EXT1: variants seen among roughly 807,000 people sequenced by gnomAD.
EXT1 encodes the protein exostosin-1.
In EXT1, 20 loss-of-function variants were observed where a neutral mutation model predicts 82.5. The ratio of observed to expected loss-of-function variants is 0.24; its 90% CI spans 0.17 to 0.35. The LOEUF is 0.35. EXT1 is among the 10% of genes least tolerant of loss of function. EXT1 has a pLI of 1.00. For synonymous variants in EXT1, 348 were observed against 350.8 expected (o/e 0.99, Z 0.09); for missense variants, 757 against 936.5 (o/e 0.81, Z 2.50).
At chr8:117,818,247 C>G (rs1811860566) in intron 7 of EXT1, among the ~76,000 whole-genome samples, 188 bp downstream of exon 7, 1 of 152,174 alleles carries the variant, frequency 6.6e-6, no homozygotes, top group Admixed American at 6.5e-5. Context: ...GAGTTGGTAT[C>G]AAGACCCAGA....
At chr8:117,927,586 T>C (rs1181224755) in intron 1 of EXT1, among the ~76,000 whole-genome samples, 1 of 103,284 alleles carries the variant, frequency 9.7e-6, no homozygotes, top group East Asian at 2.6e-4. Flanking sequence ...GGCACAGGGG[T>C]ACTGTCACTT....
chr8:118,086,962 T>C (rs1389130540), intron 1 of EXT1, among the ~76,000 whole-genome samples: 1 of 152,198 alleles, frequency 6.6e-6, no homozygotes, highest in Non-Finnish European at 1.5e-5. Context: ...CCTACAAGAC[T>C]CTGCAACATC....
At chr8:118,105,237 C>A (rs939729719) in intron 1 of EXT1, among the ~76,000 whole-genome samples, 5 of 152,182 alleles carry the variant, frequency 3.3e-5, no homozygotes, top group African/African-American at 1.2e-4. Context: ...GATCCTCAAG[C>A]CTTCTGACAG....
rs573467408 is a variant in EXT1, at chr8:118,038,383, G to A, written c.962+71702C>T. Among the ~76,000 whole-genome samples, 22 of 152,280 alleles carry A rather than the reference G, an allele frequency of 1.4e-4. No individual in the cohort carries two copies. The South Asian group carries it at 3.7e-3, about 26-fold the overall frequency. On this transcript the variant is annotated intron_variant, in intron 1 of 10. Transcript: ENST00000378204. ...GGATATTTGCCTATTTGTGGAGCACGTCTTCTGTCCCAGTGACTGTGCAGA... is the reference window on the plus strand; with the variant it reads ...GGATATTTGCCTATTTGTGGAGCACATCTTCTGTCCCAGTGACTGTGCAGA...
At chr8:117,949,637 C>A (rs1814454844) in intron 1 of EXT1, among the ~76,000 whole-genome samples, 1 of 151,564 alleles carries the variant, frequency 6.6e-6, no homozygotes, top group African/African-American at 2.4e-5. Flanking sequence ...TAGAGCTCAA[C>A]TATTTCATAC....
At chr8:118,009,837 T>C (rs369463464) in intron 1 of EXT1, among the ~76,000 whole-genome samples, 20 of 152,078 alleles carry the variant, frequency 1.3e-4, no homozygotes, top group Middle Eastern at 3.4e-3. Flanking sequence ...CGTGAAAAAA[T>C]TGTCTTCCAC....
chr8:117,956,701 C>T (rs545340978), intron 1 of EXT1, among the ~76,000 whole-genome samples: 2 of 152,330 alleles, frequency 1.3e-5, no homozygotes, highest in South Asian at 4.1e-4. Context: ...GCTGCCTTGA[C>T]TTCCCAAACT....
chr8:117,985,704 A>G (rs2129776646), intron 1 of EXT1, among the ~76,000 whole-genome samples: 1 of 152,380 alleles, frequency 6.6e-6, no homozygotes, highest in South Asian at 2.1e-4. Context: ...TTAGCTTTAT[A>G]AACTGTACAA....
chr8:118,099,394 T>C (rs908043163), intron 1 of EXT1, among the ~76,000 whole-genome samples: 6 of 152,374 alleles, frequency 3.9e-5, no homozygotes, highest in South Asian at 4.1e-4. Context: ...CTGCTTCTAA[T>C]CTACTGCAGG....
chr8:118,097,749 G>A lies in EXT1; in HGVS notation c.962+12336C>T, dbSNP rs191310232. ...GTTGAATCCCCAGTGCCTGCACACC[G>A]TAGGCACTCAATAAGTATCTGTTGA... On this transcript the variant is annotated intron_variant, in intron 1 of 10. Transcript: ENST00000378204. 1.9e-3 allele frequency among the ~76,000 whole-genome samples: 284 copies of A among 152,298 alleles called. 2 individuals carry two copies. The highest frequency in any genetic ancestry group is 6.4e-3 in the African/African-American group (265 of 41,544).
At chr8:118,029,173 A>G (rs929900019) in intron 1 of EXT1, among the ~76,000 whole-genome samples, 2 of 152,174 alleles carry the variant, frequency 1.3e-5, no homozygotes, top group Admixed American at 1.3e-4. Flanking sequence ...TCATGCTTGT[A>G]ATCCCAGCAC....
intron 1 of EXT1, among the ~76,000 whole-genome samples, chr8:117,977,410 C>G: frequency 8.0e-6 from 1 of 125,496 alleles, no homozygotes; most frequent in East Asian, 2.3e-4. Context: ...AAAAAAAAGA[C>G]CATATATCCA....
chr8:117,959,896 A>G (rs1416374467), intron 1 of EXT1, among the ~76,000 whole-genome samples: 4 of 152,226 alleles, frequency 2.6e-5, no homozygotes, highest in Non-Finnish European at 5.9e-5. Context: ...CATGAACGTT[A>G]TATAGAACAA....
At chr8:117,893,062 C>A (rs1307379144) in intron 1 of EXT1, among the ~76,000 whole-genome samples, 2 of 152,180 alleles carry the variant, frequency 1.3e-5, no homozygotes, top group Non-Finnish European at 2.9e-5. Flanking sequence ...GAGAGAGTAG[C>A]TGAAACATTA....
At chr8:117,887,288 T>C (rs1813163019) in intron 1 of EXT1, among the ~76,000 whole-genome samples, 1 of 152,120 alleles carries the variant, frequency 6.6e-6, no homozygotes, top group Non-Finnish European at 1.5e-5. Context: ...GCAGGAGAAA[T>C]TTTCCAAAAA....
intron 1 of EXT1, among the ~76,000 whole-genome samples, chr8:117,950,300 A>G (rs1296129965): frequency 6.6e-6 from 1 of 152,244 alleles, no homozygotes; most frequent in African/African-American, 2.4e-5. Context: ...TAGTCTTGCC[A>G]TAAAGTCAAC....
chr8:117,897,185 T>C (rs577747009), intron 1 of EXT1, among the ~76,000 whole-genome samples: 3 of 152,340 alleles, frequency 2.0e-5, no homozygotes, highest in Admixed American at 6.5e-5. Context: ...ACTAGCTGCA[T>C]GTGGCTTTAT....
chr8:117,936,912 A>G lies in EXT1; in HGVS notation c.963-99711T>C, dbSNP rs117451108. Among the ~76,000 whole-genome samples the G allele has an allele frequency of 1.2e-3, 187 of 152,204 alleles. 4 individuals are homozygous for G. In the East Asian group the frequency reaches 0.025, roughly 21 times the overall value. Reference sequence around the variant, plus strand: ...AATAAACAAACAAACAAATAAATAAATAAATAACTATGTTGAGTTGGAATG... The same window carrying G: ...AATAAACAAACAAACAAATAAATAAGTAAATAACTATGTTGAGTTGGAATG... On this transcript the variant is annotated intron_variant, in intron 1 of 10. Coordinates refer to ENST00000378204, the MANE Select transcript of EXT1 (RefSeq NM_000127.3).
intron 1 of EXT1, among the ~76,000 whole-genome samples, chr8:118,041,254 A>G (rs1446339527): frequency 6.6e-6 from 1 of 152,206 alleles, no homozygotes; most frequent in African/African-American, 2.4e-5. Flanking sequence ...GAAAGCAGAG[A>G]TGGTGCAGGG....
Sources: allele counts gnomAD v4.1 joint callset (sites outside exome capture counted in the v4.1 genomes callset), GRCh38; gene constraint gnomAD v4.1.1; transcripts MANE v1.5; gene names NCBI Gene and HGNC (gene_info 2026-07-23, HGNC 2026-07-21).